The following CBARP variants were observed in gnomAD, a reference collection of about 807,000 sequenced individuals.
CBARP encodes CACN subunit beta associated regulatory protein.
In CBARP, 24 loss-of-function variants were observed where a neutral mutation model predicts 36.3. The observed-to-expected ratio is 0.66, with a 90% CI of 0.48 to 0.93. The LOEUF (loss-of-function observed/expected upper bound fraction) is 0.93. Among genes scored for constraint, CBARP ranks in the 40% least tolerant of loss-of-function variants. CBARP has a pLI of 0.00. For missense variants in CBARP, 1,146 were observed against 980.4 expected (o/e 1.17, Z -2.26); for synonymous variants, 586 against 453.2 (o/e 1.29, Z -3.72).
chr19:1,229,238 C>G lies in CBARP; in HGVS notation c.2059G>C (p.Val687Leu), dbSNP rs1229742371. ...GCGGCGACCAACGCGGGAGTCGCCA[C>G]GACGGGCTCGGCGAGGCGCGGCGGA... is the stretch of plus-strand genomic sequence containing the variant. ...LFPPRLAEPV[V>L]ATPALVAAAP... Residue 687 changes from valine to leucine, a missense_variant, in exon 10 of 10, where the codon GTG becomes CTG. Physicochemically the swap from Val to Leu is conservative, Grantham distance 32. Transcript: ENST00000650044. This position sits in a 1 kb window ranked among gnomAD's most constrained non-coding sequence, Gnocchi z 5.1. 2.4e-6 allele frequency: 3 copies of G among 1,237,024 alleles called. No individual in the cohort carries two copies. The highest frequency in any genetic ancestry group is 3.1e-6 in the Non-Finnish European group (3 of 965,692). 76.6% of individuals were successfully genotyped at this position (1,237,024 alleles called of 1,614,324 possible).
chr19:1,234,431 C>T lies in CBARP; in HGVS notation c.628-100G>A, dbSNP rs1219523654. ...GTGAGGAGCATGCTGGGCTTGGCCC[C>T]CTGCCCTGCTCCACCCCACCCCGCC... On this transcript the variant is annotated intron_variant, in intron 6 of 9. Transcript: ENST00000650044. 5 of 1,434,544 alleles carry T rather than the reference C, an allele frequency of 3.5e-6. No homozygotes were observed. In the Admixed American group the frequency reaches 8.2e-5, roughly 24 times the overall value. 88.9% of individuals were successfully genotyped at this position (1,434,544 alleles called of 1,614,324 possible). A position where few individuals can be genotyped will look rare whatever the true frequency, so the allele number is the denominator to read the frequency against.
Position 1,234,176 on chromosome 19 carries a change from C to A in CBARP, c.768+15G>T. On this transcript the variant is annotated intron_variant, in intron 7 of 9. Coordinates refer to ENST00000650044, the MANE Select transcript of CBARP (RefSeq NM_001393918.1). ...CCGGCTGTGGACACCATGGGGGACA[C>A]GCAGGGGCCCTCACCGAGGTGCCTT... is the stretch of plus-strand genomic sequence containing the variant. 1 of 1,504,510 alleles carries A rather than the reference C, an allele frequency of 6.6e-7. No individual in the cohort carries two copies. The highest frequency in any genetic ancestry group is 1.4e-5 in the South Asian group (1 of 73,650). 93.2% of individuals were successfully genotyped at this position (1,504,510 alleles called of 1,614,324 possible). A position where few individuals can be genotyped will look rare whatever the true frequency, so the allele number is the denominator to read the frequency against.
intron 9 of CBARP, chr19:1,230,437 T>A (rs1389753795): frequency 1.5e-4 from 150 of 990,558 alleles, no homozygotes; most frequent in Non-Finnish European, 1.8e-4. Context: ...TCTCCGGGAG[T>A]CACGTTTTCC....
chr19:1,235,828 C>A lies in CBARP; in HGVS notation c.196G>T (p.Val66Phe). Residue 66 changes from valine to phenylalanine, a missense_variant, in exon 3 of 10, where the codon GTC becomes TTC. Physicochemically the swap from Val to Phe is conservative, Grantham distance 50. Coordinates refer to ENST00000650044, the MANE Select transcript of CBARP (RefSeq NM_001393918.1). ...CAGCAGCGCTTGCAGAGGAGCAGGA[C>A]GCCAGACAACACCACCAGCGTGCCC... ...VGGTLVVLSG[V>F]LLLCKRCWDV... 1 of 1,610,856 alleles carries A rather than the reference C, an allele frequency of 6.2e-7. No individual in the cohort carries two copies. Among genetic ancestry groups the A allele is most frequent in the Non-Finnish European group, 8.5e-7 (1 of 1,179,918 alleles).
chr19:1,235,414 C>G (rs534066346), intron 4 of CBARP, 87 bp downstream of exon 4: 6 of 1,373,100 alleles, frequency 4.4e-6, no homozygotes, highest in East Asian at 2.5e-5. Flanking sequence ...CAGACAGACA[C>G]AGACGGTCAG....
Position 1,236,120 on chromosome 19 carries a change from C to A in CBARP, c.-20G>T. 1.4e-6 allele frequency: 2 copies of A among 1,423,770 alleles called. No homozygotes were observed. Among genetic ancestry groups the A allele is most frequent in the Non-Finnish European group, 9.2e-7 (1 of 1,092,542 alleles). 88.2% of individuals were successfully genotyped at this position (1,423,770 alleles called of 1,614,324 possible). ...CTGCATTCTGAACTGGGGAGGAGGG[C>A]CCTGTGGGGAGGAAGCCTGGTCAGC... On this transcript the variant is annotated splice_region_variant and 5_prime_UTR_variant, in exon 2 of 10. Coordinates refer to ENST00000650044, the MANE Select transcript of CBARP (RefSeq NM_001393918.1).
Position 1,228,836 on chromosome 19 carries a change from G to C in CBARP, c.*343C>G, listed in dbSNP as rs2080851474. The C allele has an allele frequency of 6.8e-6, 1 of 147,594 alleles. No homozygotes were observed. The highest frequency in any genetic ancestry group is 6.7e-5 in the Admixed American group (1 of 14,872). The allele number at this position is 147,594 out of a possible 1,614,324, so 9.1% of individuals were successfully genotyped here. ...GCGACTAAGCGGCCGCCCCGTCCGG[G>C]ACTGAGGGCGAGTGATCGTTGTCCT... is the stretch of plus-strand genomic sequence containing the variant. On this transcript the variant is annotated 3_prime_UTR_variant, in exon 10 of 10. Coordinates refer to ENST00000650044, the MANE Select transcript of CBARP (RefSeq NM_001393918.1).
In CBARP at chr19:1,236,067, T is replaced by A. The variant is rs143196649; in HGVS notation, c.34A>T (p.Thr12Ser). ...GTGGCAGTGGTGGTGGTGGTGGTGG[T>A]GGCGGCTGTGGCCATGGTGGCTGTG... ...QPTATMATAATTTTTTTATVA... is the reference protein window; with the variant it reads ...QPTATMATAASTTTTTTATVA... Residue 12 changes from threonine to serine, a missense_variant, in exon 2 of 10, where the codon ACC becomes TCC. By Grantham distance (58) the Thr-to-Ser change is moderately conservative. Coordinates refer to ENST00000650044, the MANE Select transcript of CBARP (RefSeq NM_001393918.1). The A allele has an allele frequency of 5.7e-5, 86 of 1,503,040 alleles. 1 individual carries two copies. In the East Asian group the frequency reaches 6.0e-4, roughly 10 times the overall value. The allele number at this position is 1,503,040 out of a possible 1,614,324, so 93.1% of individuals were successfully genotyped here.
chr19:1,235,304 ACACT>A (rs1298771135), intron 4 of CBARP, 159 bp from the exon 5 acceptor site: 3 of 1,052,300 alleles, frequency 2.9e-6, no homozygotes, highest in South Asian at 1.9e-5. Flanking sequence ...ATCCGCTCAC[ACACT>A]CACTCGCTCA....
Position 1,233,564 on chromosome 19 carries a change from C to T in CBARP, c.841G>A (p.Gly281Arg). 1 of 1,609,496 alleles carries T rather than the reference C, an allele frequency of 6.2e-7. No individual in the cohort carries two copies. The highest frequency in any genetic ancestry group is 1.1e-5 in the South Asian group (1 of 90,700). ...TGCAGAACGGTACCTGCCCCGGATC[C>T]CGGGCCCGCCTCCCCAGGCCCTGCT... ...AAAGPGEAGP[G>R]SGAGTVLQFL... is the part of the protein sequence containing the mutation. Residue 281 changes from glycine to arginine, a missense_variant, in exon 8 of 10, where the codon GGA becomes AGA. Physicochemically the swap from Gly to Arg is moderately radical, Grantham distance 125 (BLOSUM62 -2). Transcript: ENST00000650044.
At chr19:1,232,745 G>C (rs2080910538) in intron 8 of CBARP, among the ~76,000 whole-genome samples, 2 of 152,380 alleles carry the variant, frequency 1.3e-5, no homozygotes, top group South Asian at 4.1e-4. Flanking sequence ...AAGTTTTACT[G>C]GCACACAGCC....
At chr19:1,233,053 A>G (rs36001015) in intron 8 of CBARP, among the ~76,000 whole-genome samples, 1 of 152,146 alleles carries the variant, frequency 6.6e-6, no homozygotes, top group Non-Finnish European at 1.5e-5. Flanking sequence ...AGAGCCGAGC[A>G]TGGCTGGGAG....
chr19:1,237,078 C>T (rs1351391637), intron 1 of CBARP, among the ~76,000 whole-genome samples: 1 of 152,126 alleles, frequency 6.6e-6, no homozygotes, highest in East Asian at 1.9e-4. Context: ...CGCCGGGGTG[C>T]TCGGCGGCCC....
At chr19:1,233,727 C>T in intron 7 of CBARP, 91 bp from the exon 8 acceptor site, 3 of 1,245,050 alleles carry the variant, frequency 2.4e-6, no homozygotes, top group Non-Finnish European at 3.3e-6. Flanking sequence ...GAGACAGTCC[C>T]AAGGGCCCCC....
In CBARP at chr19:1,229,715, T is replaced by G. The variant is rs1380188114; in HGVS notation, c.1582A>C (p.Ser528Arg). ...EPPAAPARPR[S>R]PRAWPRRPRR... ...GGGCGGCGGGGCCAGGCGCGCGGGC[T>G]GCGGGGCCGGGCGGGCGCGGCAGGT... The change falls in exon 10 of 10, where the codon AGC becomes CGC. Residue 528 changes from serine (S) to arginine (R), a missense_variant. Coordinates refer to ENST00000650044, the MANE Select transcript of CBARP (RefSeq NM_001393918.1). This position sits in a 1 kb window ranked among gnomAD's most constrained non-coding sequence, Gnocchi z 5.1. 8.1e-6 allele frequency: 8 copies of G among 983,138 alleles called. No individual in the cohort carries two copies. Among genetic ancestry groups the G allele is most frequent in the South Asian group, 4.0e-5 (1 of 24,778 alleles). The allele number at this position is 983,138 out of a possible 1,614,324, so 60.9% of individuals were successfully genotyped here.
chr19:1,235,770 G>T lies in CBARP; in HGVS notation c.245+9C>A. 1 of 1,606,610 alleles carries T rather than the reference G, an allele frequency of 6.2e-7. No homozygotes were observed. Among genetic ancestry groups the T allele is most frequent in the South Asian group, 1.1e-5 (1 of 91,072 alleles). ...ATGCACCTGCCCAGCCGAGGTGGGG[G>T]CCTCGCACCTGTTGAGGCGCTGGTG... is the stretch of plus-strand genomic sequence containing the variant. On this transcript the variant is annotated intron_variant, in intron 3 of 9. Coordinates refer to ENST00000650044, the MANE Select transcript of CBARP (RefSeq NM_001393918.1).
intron 8 of CBARP, among the ~76,000 whole-genome samples, chr19:1,233,104 G>A (rs1430558795): frequency 1.3e-5 from 2 of 152,238 alleles, no homozygotes; most frequent in Non-Finnish European, 2.9e-5. Flanking sequence ...GCTCCACAGT[G>A]ACCAGGTGGC....
chr19:1,238,430 G>A (rs73494641), upstream of CBARP: 3,775 of 152,882 alleles, frequency 0.025, 136 homozygotes, highest in African/African-American at 0.085. Flanking sequence ...TGGAGGACTC[G>A]CCATGCCTCT....
At chr19:1,231,050 G>C in intron 9 of CBARP, 51 bp downstream of exon 9, 1 of 1,564,824 alleles carries the variant, frequency 6.4e-7, no homozygotes, top group East Asian at 2.3e-5. Context: ...GGGCGAAGGG[G>C]GGCAAGGGCC....
Sources: gnomAD v4.1 joint callset for allele counts (sites outside exome capture counted in the v4.1 genomes callset) on GRCh38, gnomAD v4.1.1 for gene constraint, Gnocchi (gnomAD v3.1) non-coding constraint, MANE v1.5 for transcripts, NCBI Gene and HGNC (gene_info 2026-07-23, HGNC 2026-07-21) for gene names.